The following SP140 variants were observed in gnomAD, a reference collection of about 807,000 sequenced individuals.
SP140 encodes the protein SP140 nuclear body protein.
Under a neutral mutation model 125.0 loss-of-function variants are expected in SP140, and 81 were observed. The observed-to-expected ratio is 0.65, with a 90% CI of 0.54 to 0.78. The LOEUF (loss-of-function observed/expected upper bound fraction) is 0.78. Among genes scored for constraint, SP140 ranks in the 30% least tolerant of loss-of-function variants. The probability of loss-of-function intolerance (pLI) is 0.00; values close to 1 mark genes in which losing one functional copy is unlikely to be tolerated. For synonymous variants in SP140, 312 were observed against 354.0 expected, an observed-to-expected ratio of 0.88 and a Z score of 1.33; for missense variants, 858 against 1,037.0, an observed-to-expected ratio of 0.83 and a Z score of 2.37.
intron 22 of SP140, among the ~76,000 whole-genome samples, chr2:230,309,102 G>C (rs771641147): frequency 1.3e-5 from 2 of 152,106 alleles, no homozygotes; most frequent in East Asian, 3.8e-4. Context: ...CTGGCTAAAG[G>C]TGTCACATAT....
intron 15 of SP140, among the ~76,000 whole-genome samples, chr2:230,276,704 G>A (rs2054764585): frequency 6.6e-6 from 1 of 152,064 alleles, no homozygotes; most frequent in African/African-American, 2.4e-5. Context: ...GATGAATCTT[G>A]GCAAAGTCAA....
intron 3 of SP140, 161 bp downstream of exon 3, chr2:230,238,542 C>A (rs949778938): frequency 2.5e-6 from 2 of 788,832 alleles, no homozygotes. Context: ...TGTCCCATGT[C>A]CTTATGGAGT....
upstream of SP140, chr2:230,221,656 G>T (rs1360307785): frequency 1.3e-6 from 2 of 1,512,512 alleles, no homozygotes; most frequent in East Asian, 4.9e-5. Context: ...GGGGATGGCG[G>T]TGGTAAAGGA....
At chr2:230,209,973 C>A in intron 1 of SP140, 1 of 1,610,300 alleles carries the variant, frequency 6.2e-7, no homozygotes, top group Non-Finnish European at 8.5e-7. Flanking sequence ...TGGGGCTCTT[C>A]TGGGTCATTT....
rs762091323 is a variant in SP140, at chr2:230,290,582, C to G, written c.1825+18C>G. On this transcript the variant is annotated intron_variant, in intron 19 of 26. Coordinates refer to ENST00000392045, the MANE Select transcript of SP140 (RefSeq NM_007237.5). Reference sequence around the variant, plus strand: ...GCAGCAAGGTAGGTTTTATGGTCTTCTTTAATTTGCAGCTCCTATCTGAAG... The same window carrying G: ...GCAGCAAGGTAGGTTTTATGGTCTTGTTTAATTTGCAGCTCCTATCTGAAG... The G allele has an allele frequency of 6.3e-7, 1 of 1,575,370 alleles. No homozygotes were observed. Among genetic ancestry groups the G allele is most frequent in the Non-Finnish European group, 8.7e-7 (1 of 1,147,932 alleles).
Position 230,212,794 on chromosome 2 carries a change from G to A in SP140, c.-322-860G>A, listed in dbSNP as rs750052870. 6.8e-6 allele frequency: 11 copies of A among 1,614,178 alleles called. No homozygotes were observed. In the East Asian group the frequency reaches 2.2e-4, roughly 33 times the overall value. On this transcript the variant is annotated intron_variant, in intron 1 of 4. Transcript: ENST00000456542. ...CTTCTTCCTTCCTGGATGAGTGCAG[G>A]GAGAGGCAGGACAGGGTCAGATGGG...
chr2:230,291,712 C>G (rs546068374), intron 19 of SP140, among the ~76,000 whole-genome samples: 1 of 152,284 alleles, frequency 6.6e-6, no homozygotes, highest in South Asian at 2.1e-4. Context: ...TAATGCTGTT[C>G]TGAACATTTG....
the SP140 span, among the ~76,000 whole-genome samples, chr2:230,186,903 G>A: frequency 1.3e-5 from 2 of 152,022 alleles, no homozygotes; most frequent in African/African-American, 4.8e-5. Flanking sequence ...ACATTCATTG[G>A]TCAATGGGCA....
intron 15 of SP140, among the ~76,000 whole-genome samples, chr2:230,273,307 A>G (rs1207848238): frequency 6.6e-6 from 1 of 152,228 alleles, no homozygotes; most frequent in African/African-American, 2.4e-5. Flanking sequence ...ACTTTTCAAG[A>G]GAAGACATAC....
rs199959729 is a variant in SP140, at chr2:230,292,754, G to A, written c.1934G>A (p.Arg645His). 124 of 1,614,240 alleles carry A rather than the reference G, an allele frequency of 7.7e-5. No individual in the cohort carries two copies. In the African/African-American group the frequency reaches 1.3e-3, roughly 17 times the overall value. The change falls in exon 20 of 27, where the codon CGC becomes CAC. Residue 645 changes from arginine (R) to histidine (H), a missense_variant. Arg to His is a conservative substitution (Grantham distance 29). This residue lies in a region of SP140 where 791 missense variants were observed against 869.5 expected (regional missense o/e 0.91). Transcript: ENST00000392045. The part of the protein sequence containing the change: ...ARSKNWRLSV[R>H]CGGWPLRWLM... ...TCAAAGAACTGGAGGCTGAGTGTGC[G>A]CTGTGGCGGGTGGCCCCTACGATGG...
chr2:230,258,568 A>G (rs2051643397), intron 12 of SP140, among the ~76,000 whole-genome samples: 1 of 152,214 alleles, frequency 6.6e-6, no homozygotes, highest in Middle Eastern at 3.2e-3. Context: ...GACTTTGGAA[A>G]CAAAAGACAT....
At chr2:230,259,583 G>A (rs900632392) in intron 12 of SP140, among the ~76,000 whole-genome samples, 3 of 151,322 alleles carry the variant, frequency 2.0e-5, no homozygotes, top group Non-Finnish European at 3.0e-5. Context: ...CTACTAGCAG[G>A]GGCTGAGGCA....
intron 10 of SP140, 28 bp from the exon 11 acceptor site, chr2:230,253,288 G>A (rs748854479): frequency 1.3e-6 from 2 of 1,520,698 alleles, no homozygotes; most frequent in Non-Finnish European, 9.1e-7. Flanking sequence ...TGAGGTCTGT[G>A]TCCAAGTCAC....
intron 1 of SP140, among the ~76,000 whole-genome samples, chr2:230,234,394 A>C (rs1182564710): frequency 6.6e-6 from 1 of 152,216 alleles, no homozygotes; most frequent in Non-Finnish European, 1.5e-5. Context: ...GCCCAGAAGA[A>C]AAGAACATTG....
In SP140 at chr2:230,214,973, G is replaced by A. The variant is rs755163914; in HGVS notation, c.-91+899G>A. On this transcript the variant is annotated intron_variant, in intron 3 of 4. Coordinates refer to the SP140 transcript ENST00000456542. ...ACCACGTTTGAAGCTTCTGTAAATC[G>A]TCACCAGATTGGGATATTCACGCAG... is the stretch of plus-strand genomic sequence containing the variant. 24 of 1,613,802 alleles carry A rather than the reference G, an allele frequency of 1.5e-5. No homozygotes were observed. Among genetic ancestry groups the A allele is most frequent in the Middle Eastern group, 1.6e-4 (1 of 6,082 alleles).
intron 12 of SP140, among the ~76,000 whole-genome samples, chr2:230,261,953 T>C (rs1471860659): frequency 6.6e-6 from 1 of 152,190 alleles, no homozygotes; most frequent in East Asian, 1.9e-4. Context: ...GGTATTAGGG[T>C]GATGCTGGCT....
rs754489161 is a variant in SP140 at position 230,253,388 on chromosome 2, A to G, written c.1130A>G (p.Glu377Gly). The G allele has an allele frequency of 1.1e-5, 18 of 1,608,942 alleles. No individual in the cohort carries two copies. In the Admixed American group the frequency reaches 2.0e-4, roughly 18 times the overall value. ...QVTNEGEPEK[E>G]LSLLPGEGEE... ...ACTAATGAAGGAGAACCAGAGAAGG[A>G]GCTCAGTCTACTACCAGGTGAAGGA... is the stretch of plus-strand genomic sequence containing the variant. The change falls in exon 11 of 27, where the codon GAG (glutamate) becomes GGG (glycine). Residue 377 changes from glutamate to glycine, a missense_variant. Physicochemically the swap from Glu to Gly is moderately conservative, Grantham distance 98. This residue lies in a region of SP140 where 791 missense variants were observed against 869.5 expected (regional missense o/e 0.91). Transcript: ENST00000392045.
At chr2:230,270,196 G>A (rs949317525) in intron 14 of SP140, among the ~76,000 whole-genome samples, 6 of 152,170 alleles carry the variant, frequency 3.9e-5, no homozygotes, top group Non-Finnish European at 8.8e-5. Context: ...CACTTATCTT[G>A]TGTATTGCAT....
chr2:230,241,464 G>T lies in SP140; in HGVS notation c.467G>T (p.Arg156Ile). 1 of 1,582,718 alleles carries T rather than the reference G, an allele frequency of 6.3e-7. No individual in the cohort carries two copies. Among genetic ancestry groups the T allele is most frequent in the Non-Finnish European group, 8.7e-7 (1 of 1,151,418 alleles). Residue 156 changes from arginine to isoleucine, a missense_variant, in exon 4 of 27, where the codon AGA (arginine) becomes ATA (isoleucine). By Grantham distance (97) the Arg-to-Ile change is moderately conservative. Around this residue, in one of 4 missense-constraint regions of SP140, gnomAD observed 791 missense variants for 869.5 expected, o/e 0.91. Coordinates refer to ENST00000392045, the MANE Select transcript of SP140 (RefSeq NM_007237.5). ...GTAAACGATTTAGAAGATAGACCCA[G>T]ATTACTACCATATGGTAAACAAGGT... ...NNVNDLEDRPRLLPYGKQENS... is the reference protein window; with the variant it reads ...NNVNDLEDRPILLPYGKQENS...
Sources: gnomAD v4.1 joint callset for allele counts (sites outside exome capture counted in the v4.1 genomes callset) on GRCh38, gnomAD v4.1.1 for gene constraint, gnomAD v4.1.1 regional missense constraint, MANE v1.5 for transcripts, NCBI Gene and HGNC (gene_info 2026-07-23, HGNC 2026-07-21) for gene names.